The following NEGR1 variants were observed in gnomAD, a reference collection of about 807,000 sequenced individuals.
The protein encoded by NEGR1 is IgLON family member 4.
A neutral mutation model predicts 40.9 loss-of-function variants in NEGR1; 10 were observed. That is an observed-to-expected ratio of 0.24 (90% CI 0.15 to 0.42). The LOEUF (loss-of-function observed/expected upper bound fraction) is 0.42. NEGR1 is among the 10% of genes least tolerant of loss of function. The probability of loss-of-function intolerance (pLI) is 1.00; values close to 1 mark genes in which losing one functional copy is unlikely to be tolerated. For synonymous variants in NEGR1, 185 were observed against 166.8 expected (o/e 1.11, Z -0.84); for missense variants, 352 against 438.9 (o/e 0.80, Z 1.77).
intron 6 of NEGR1, among the ~76,000 whole-genome samples, chr1:71,531,383 C>T (rs562656571): frequency 3.3e-5 from 5 of 151,394 alleles, no homozygotes; most frequent in East Asian, 2.0e-4. Flanking sequence ...CTTATCTAAT[C>T]TTTACGTCAA....
intron 4 of NEGR1, among the ~76,000 whole-genome samples, chr1:71,632,303 A>C (rs1289431222): frequency 6.6e-6 from 1 of 151,256 alleles, no homozygotes; most frequent in Non-Finnish European, 1.5e-5. Context: ...TGAATATTTT[A>C]ATAAAATTTT....
rs1290770105 is a variant in NEGR1, at chr1:71,399,156, G to T, written c.*8290C>A. 1 of 151,766 alleles carries T rather than the reference G, an allele frequency of 6.6e-6. No individual in the cohort carries two copies. Among genetic ancestry groups the T allele is most frequent in the Non-Finnish European group, 1.5e-5 (1 of 67,988 alleles). The allele number at this position is 151,766 out of a possible 1,614,324, so 9.4% of individuals were successfully genotyped here. A position where few individuals can be genotyped will look rare whatever the true frequency, so the allele number is the denominator to read the frequency against. Reference sequence around the variant, plus strand: ...AATTGTCTATTATAAAACCATAAAAGCTTTGTTAATACATTTTGAAACCTG... The same window carrying T: ...AATTGTCTATTATAAAACCATAAAATCTTTGTTAATACATTTTGAAACCTG... On this transcript the variant is annotated 3_prime_UTR_variant, in exon 7 of 7. Coordinates refer to ENST00000357731, the MANE Select transcript of NEGR1 (RefSeq NM_173808.3).
intron 2 of NEGR1, among the ~76,000 whole-genome samples, chr1:71,839,515 C>A (rs1277424903): frequency 6.6e-6 from 1 of 151,688 alleles, no homozygotes; most frequent in Non-Finnish European, 1.5e-5. Flanking sequence ...CTGGCCGAGA[C>A]CAGACTTAGG....
chr1:71,615,334 C>A (rs1320416932), intron 4 of NEGR1, among the ~76,000 whole-genome samples: 1 of 151,384 alleles, frequency 6.6e-6, no homozygotes, highest in East Asian at 1.9e-4. Context: ...TGAAGTGATA[C>A]AAACTAAGAC....
intron 1 of NEGR1, among the ~76,000 whole-genome samples, chr1:72,143,546 A>C (rs1014913149): frequency 6.6e-6 from 1 of 151,798 alleles, no homozygotes; most frequent in African/African-American, 2.4e-5. Flanking sequence ...TCCTAATAAA[A>C]TATAAATAAT....
chr1:71,801,211 C>T (rs575792211), intron 2 of NEGR1, among the ~76,000 whole-genome samples: 2 of 152,284 alleles, frequency 1.3e-5, no homozygotes, highest in South Asian at 4.1e-4. Context: ...CTCTCTTTGC[C>T]AGTCAGCTCT....
intron 4 of NEGR1, among the ~76,000 whole-genome samples, chr1:71,625,512 G>A (rs537705679): frequency 6.6e-6 from 1 of 151,810 alleles, no homozygotes; most frequent in Non-Finnish European, 1.5e-5. Context: ...ATGAGAGGAT[G>A]TGCATAGGTT....
At chr1:72,090,153 C>T (rs1008378712) in intron 1 of NEGR1, among the ~76,000 whole-genome samples, 1 of 151,892 alleles carries the variant, frequency 6.6e-6, no homozygotes, top group African/African-American at 2.4e-5. Context: ...TACCTATGAG[C>T]AGAAGTTCCT....
intron 6 of NEGR1, among the ~76,000 whole-genome samples, chr1:71,436,301 A>G (rs1646509459): frequency 6.6e-6 from 1 of 152,128 alleles, no homozygotes. Flanking sequence ...ACTAATAGAT[A>G]TCATACCAGA....
chr1:71,705,857 GAGGAAGGA>G lies in NEGR1; in HGVS notation c.536-7726_536-7719del, dbSNP rs368065040. Among the ~76,000 whole-genome samples, 539 of 151,432 alleles carry G rather than the reference GAGGAAGGA, an allele frequency of 3.6e-3. 3 individuals carry two copies. Among genetic ancestry groups the G allele is most frequent in the African/African-American group, 0.012 (508 of 41,296 alleles). ...GAAAGAGAGAGAGAAGGAAGGAAGAGAGGAAGGAAGGAAGGAAGGAAGCAAGGAAGGAA... is the reference window on the plus strand; with the variant it reads ...GAAAGAGAGAGAGAAGGAAGGAAGAGAGGAAGGAAGGAAGCAAGGAAGGAA... On this transcript the variant is annotated intron_variant, in intron 3 of 6. Transcript: ENST00000357731.
chr1:72,166,815 C>T (rs1035167999), intron 1 of NEGR1, among the ~76,000 whole-genome samples: 5 of 152,000 alleles, frequency 3.3e-5, no homozygotes, highest in African/African-American at 7.2e-5. Context: ...TAAATTTATA[C>T]ATATATCATA....
At chr1:71,688,309 C>CATATATATATATATATATATATATAT (rs373700339) in intron 4 of NEGR1, among the ~76,000 whole-genome samples, 2 of 41,352 alleles carry the variant, frequency 4.8e-5, no homozygotes, top group East Asian at 6.5e-4. Flanking sequence ...TTTCCCTTTT[C>CATATATATATATATATATATATATAT]ATATATATAT....
intron 6 of NEGR1, among the ~76,000 whole-genome samples, chr1:71,586,023 A>G (rs1232961797): frequency 6.6e-6 from 1 of 152,126 alleles, no homozygotes; most frequent in Non-Finnish European, 1.5e-5. Flanking sequence ...AATCTTCACA[A>G]TAATCCTATA....
intron 1 of NEGR1, among the ~76,000 whole-genome samples, chr1:72,155,138 T>C (rs1356778189): frequency 6.6e-6 from 1 of 152,038 alleles, no homozygotes; most frequent in Non-Finnish European, 1.5e-5. Flanking sequence ...ACATCTCAAT[T>C]ACGCCTTGAG....
intron 1 of NEGR1, among the ~76,000 whole-genome samples, chr1:72,224,433 AT>A (rs1437977921): frequency 6.6e-6 from 1 of 152,010 alleles, no homozygotes; most frequent in Admixed American, 6.6e-5. Flanking sequence ...GGCCTTGCAT[AT>A]TTGTGGGAAA....
intron 1 of NEGR1, among the ~76,000 whole-genome samples, chr1:72,194,382 C>G (rs962930365): frequency 2.6e-5 from 4 of 151,870 alleles, no homozygotes; most frequent in Non-Finnish European, 5.9e-5. Context: ...TATTTTCCAT[C>G]AAACTTTGAG....
intron 3 of NEGR1, among the ~76,000 whole-genome samples, chr1:71,731,106 T>C (rs775578288): frequency 1.4e-4 from 22 of 152,118 alleles, no homozygotes; most frequent in Non-Finnish European, 2.9e-4. Flanking sequence ...ATTAGTGCTT[T>C]CAACAATTTA....
At chr1:71,755,397 T>TA (rs1655699183) in intron 3 of NEGR1, among the ~76,000 whole-genome samples, 1 of 152,198 alleles carries the variant, frequency 6.6e-6, no homozygotes, top group African/African-American at 2.4e-5. Flanking sequence ...AAACATCTTC[T>TA]AAAAATTAAA....
rs537566498 is a variant in NEGR1 at position 72,079,119 on chromosome 1, A to G, written c.177-143808T>C. Among the ~76,000 whole-genome samples, 9 of 148,598 alleles carry G rather than the reference A, an allele frequency of 6.1e-5. No individual in the cohort carries two copies. In the East Asian group the frequency reaches 1.4e-3, roughly 23 times the overall value. On this transcript the variant is annotated intron_variant, in intron 1 of 6. Transcript: ENST00000357731. The stretch of plus-strand genomic sequence containing the variant: ...TATATATATATATATATAATATTAT[A>G]TACATAATCTCTCCAAATTAAATGA...
Sources: allele counts gnomAD v4.1 joint callset (sites outside exome capture counted in the v4.1 genomes callset), GRCh38; gene constraint gnomAD v4.1.1; transcripts MANE v1.5; gene names NCBI Gene and HGNC (gene_info 2026-07-23, HGNC 2026-07-21).